Variants in RGS6 observed in about 807,000 individuals in gnomAD.
RGS6 encodes regulator of G-protein signaling 6.
A neutral mutation model predicts 78.5 loss-of-function variants in RGS6; 30 were observed. The observed-to-expected ratio is 0.38, with a 90% CI of 0.29 to 0.52. The LOEUF (loss-of-function observed/expected upper bound fraction) is 0.52. Ranked by LOEUF, RGS6 falls within the 20% of genes least tolerant of loss-of-function variation. The pLI, the probability that RGS6 is intolerant of heterozygous loss-of-function variation, is 0.85. For missense variants in RGS6, 495 were observed against 609.7 expected, an observed-to-expected ratio of 0.81 and a Z score of 1.98; for synonymous variants, 206 against 206.0, an observed-to-expected ratio of 1.00 and a Z score of 0.00.
At chr14:71,940,742 A>G (rs969580445) in intron 1 of RGS6, among the ~76,000 whole-genome samples, 1 of 152,248 alleles carries the variant, frequency 6.6e-6, no homozygotes, top group Non-Finnish European at 1.5e-5. Context: ...TGACATACAG[A>G]GAATGGCAAT....
At chr14:71,959,148 T>C (rs2093011958) in intron 1 of RGS6, among the ~76,000 whole-genome samples, 1 of 152,204 alleles carries the variant, frequency 6.6e-6, no homozygotes. Context: ...AAATGTCAAG[T>C]TGGCATACTC....
chr14:72,554,309 G>C (rs1417056391), intron 17 of RGS6, among the ~76,000 whole-genome samples: 1 of 152,258 alleles, frequency 6.6e-6, no homozygotes, highest in Non-Finnish European at 1.5e-5. Flanking sequence ...GATGGGGTCA[G>C]AGTCCTCATA....
intron 17 of RGS6, among the ~76,000 whole-genome samples, chr14:72,555,194 C>T (rs2097555558): frequency 6.6e-6 from 1 of 152,200 alleles, no homozygotes; most frequent in Non-Finnish European, 1.5e-5. Flanking sequence ...TCCTGTCCTC[C>T]CTGGGGCATT....
intron 2 of RGS6, among the ~76,000 whole-genome samples, chr14:71,991,763 C>T (rs2094963234): frequency 6.6e-6 from 1 of 152,110 alleles, no homozygotes; most frequent in Non-Finnish European, 1.5e-5. Context: ...AGAATATTTT[C>T]TTGTGACAGT....
chr14:72,189,059 G>A (rs1023351350), intron 2 of RGS6, among the ~76,000 whole-genome samples: 14 of 152,292 alleles, frequency 9.2e-5, no homozygotes, highest in Non-Finnish European at 1.0e-4. Context: ...AACATTTCCC[G>A]TACAGGCTCA....
chr14:72,426,955 T>A (rs1684983480), intron 3 of RGS6, among the ~76,000 whole-genome samples: 1 of 152,222 alleles, frequency 6.6e-6, no homozygotes, highest in Admixed American at 6.5e-5. Flanking sequence ...TTGGGATGTT[T>A]GTGCTTAGAA....
chr14:72,354,519 C>T (rs1367135645), intron 3 of RGS6, among the ~76,000 whole-genome samples: 1 of 151,694 alleles, frequency 6.6e-6, no homozygotes, highest in South Asian at 2.1e-4. Context: ...GCTTGTAGTC[C>T]CAGCTACTTG....
intron 2 of RGS6, among the ~76,000 whole-genome samples, chr14:72,098,596 T>A (rs1337504217): frequency 2.0e-5 from 3 of 152,192 alleles, no homozygotes; most frequent in Non-Finnish European, 4.4e-5. Context: ...TTGGAGATAA[T>A]TGAAAGAGTT....
intron 2 of RGS6, among the ~76,000 whole-genome samples, chr14:72,351,297 G>A (rs1679065698): frequency 6.6e-6 from 1 of 152,132 alleles, no homozygotes; most frequent in South Asian, 2.1e-4. Context: ...TTTCTGCTCA[G>A]GAAATTACTC....
intron 13 of RGS6, among the ~76,000 whole-genome samples, chr14:72,500,858 C>T (rs1013124344): frequency 6.6e-6 from 1 of 152,162 alleles, no homozygotes; most frequent in Non-Finnish European, 1.5e-5. Flanking sequence ...AGGGAAATGC[C>T]TAGCATTGAG....
intron 2 of RGS6, among the ~76,000 whole-genome samples, chr14:72,236,572 T>C (rs1052407506): frequency 1.3e-5 from 2 of 151,954 alleles, no homozygotes; most frequent in African/African-American, 4.8e-5. Context: ...ATGTCGAAAA[T>C]GCAAACTTGG....
chr14:72,340,341 G>A (rs1015175220), intron 2 of RGS6, among the ~76,000 whole-genome samples: 3 of 152,122 alleles, frequency 2.0e-5, no homozygotes, highest in Non-Finnish European at 4.4e-5. Context: ...TCTGGAGCAG[G>A]GAGCCTGCCA....
intron 3 of RGS6, among the ~76,000 whole-genome samples, chr14:72,434,897 C>T (rs1395307885): frequency 1.3e-5 from 2 of 152,216 alleles, no homozygotes. Context: ...TCAGTCCTCA[C>T]ATTTAACTAG....
intron 2 of RGS6, among the ~76,000 whole-genome samples, chr14:71,974,726 A>G (rs1301139451): frequency 1.2e-4 from 18 of 151,946 alleles, no homozygotes. Context: ...TTTACTCAAA[A>G]GTGATTTTTT....
At chr14:72,009,784 A>G (rs1390609618) in intron 2 of RGS6, among the ~76,000 whole-genome samples, 1 of 152,202 alleles carries the variant, frequency 6.6e-6, no homozygotes, top group Non-Finnish European at 1.5e-5. Context: ...CTAATTCTGG[A>G]AGCCAGTCAT....
chr14:72,559,826 C>A (rs2097646185), intron 17 of RGS6, among the ~76,000 whole-genome samples: 1 of 152,142 alleles, frequency 6.6e-6, no homozygotes, highest in Non-Finnish European at 1.5e-5. Context: ...ATAATTAGCA[C>A]CTTCAAGCCC....
At chr14:71,883,716 C>G in the RGS6 span, among the ~76,000 whole-genome samples, 2 of 152,178 alleles carry the variant, frequency 1.3e-5, no homozygotes, top group Non-Finnish European at 2.9e-5. Context: ...AAGATGGCAA[C>G]AAAAGTGACC....
intron 14 of RGS6, among the ~76,000 whole-genome samples, chr14:72,510,690 G>A (rs953005277): frequency 1.3e-5 from 2 of 152,208 alleles, no homozygotes; most frequent in African/African-American, 2.4e-5. Context: ...ACGGAAGAGG[G>A]AGAAGTCAGT....
the RGS6 span, among the ~76,000 whole-genome samples, chr14:72,607,432 G>C: frequency 2.6e-5 from 4 of 152,160 alleles, no homozygotes; most frequent in African/African-American, 7.2e-5. Flanking sequence ...TCCTTTATAA[G>C]GGCACTAATG....
Sources: allele counts gnomAD v4.1 joint callset (sites outside exome capture counted in the v4.1 genomes callset), GRCh38; gene constraint gnomAD v4.1.1; transcripts MANE v1.5; gene names NCBI Gene and HGNC (gene_info 2026-07-23, HGNC 2026-07-21).